Variants in UBR4 observed in about 807,000 individuals in gnomAD.
The protein encoded by UBR4 is E3 ubiquitin-protein ligase UBR4.
A neutral mutation model predicts 575.6 loss-of-function variants in UBR4; 124 were observed. That is an observed-to-expected ratio of 0.22 (90% CI 0.19 to 0.25). The LOEUF (loss-of-function observed/expected upper bound fraction) is 0.25, where lower values mean the gene tolerates loss of function less well. Among genes scored for constraint, UBR4 ranks in the 10% least tolerant of loss-of-function variants. The pLI is 1.00. For missense variants in UBR4, 4,818 were observed against 6,478.8 expected (o/e 0.74, Z 8.80); for synonymous variants, 2,455 against 2,473.7 (o/e 0.99, Z 0.22).
rs988219506 is a variant in UBR4 at position 19,139,592 on chromosome 1, T to C, written c.8594-372A>G. On this transcript the variant is annotated intron_variant, in intron 58 of 105. Transcript: ENST00000375254. The surrounding 1 kb of genome is among the most constrained non-coding windows in gnomAD (Gnocchi z 4.2). The stretch of plus-strand genomic sequence containing the variant: ...CTAAAATGCTTCATGGTCACCATTG[T>C]TTAGGTGTTACTGACACCTGCTGAG... Among the ~76,000 whole-genome samples the C allele has an allele frequency of 1.3e-5, 2 of 152,232 alleles. No homozygotes were observed. The highest frequency in any genetic ancestry group is 2.9e-5 in the Non-Finnish European group (2 of 68,046).
chr1:19,125,334 A>C (rs1056867854), intron 64 of UBR4, among the ~76,000 whole-genome samples: 3 of 152,232 alleles, frequency 2.0e-5, no homozygotes, highest in African/African-American at 7.2e-5. Context: ...CTGGAGTTGT[A>C]AACAGGAATA....
intron 26 of UBR4, 29 bp downstream of exon 26, chr1:19,170,733 A>G (rs1318591192): frequency 6.2e-7 from 1 of 1,614,000 alleles, no homozygotes; most frequent in Non-Finnish European, 8.5e-7. Context: ...TTGTAATAAT[A>G]TTACTCAAAA....
In UBR4 at chr1:19,167,176, A is replaced by G; in HGVS notation, c.3955T>C (p.Leu1319=). 2 of 1,614,218 alleles carry G rather than the reference A, an allele frequency of 1.2e-6. No homozygotes were observed. The highest frequency in any genetic ancestry group is 2.7e-5 in the African/African-American group (2 of 75,042). The change falls in exon 29 of 106, where the codon TTG becomes CTG. Residue 1319 remains leucine, a synonymous_variant. Coordinates refer to ENST00000375254, the MANE Select transcript of UBR4 (RefSeq NM_020765.3). Reference sequence around the variant, plus strand: ...GCAACACTCTCAGTGCTTGATTCCAAAAGAAGAGGTAGCAGTGTCCGAATT... The same window carrying G: ...GCAACACTCTCAGTGCTTGATTCCAGAAGAAGAGGTAGCAGTGTCCGAATT... ...QVIRTLLPLL[L]ESSTESVAEI...
In UBR4 at chr1:19,124,655, C is replaced by T; in HGVS notation, c.9474G>A (p.Gln3158=). The change falls in exon 65 of 106, where the codon CAG becomes CAA. Residue 3158 remains glutamine, a synonymous_variant. Transcript: ENST00000375254. ...GCCTCAGTACCATTTCTGTTAGAAGCTGAGTATAGGCCTCAAACACATCAG... is the reference window on the plus strand; with the variant it reads ...GCCTCAGTACCATTTCTGTTAGAAGTTGAGTATAGGCCTCAAACACATCAG... ...HAADVFEAYT[Q]LLTEMVLRLP... is the part of the protein sequence containing the mutation. The T allele has an allele frequency of 6.2e-7, 1 of 1,614,180 alleles. No individual in the cohort carries two copies. The highest frequency in any genetic ancestry group is 8.5e-7 in the Non-Finnish European group (1 of 1,180,018).
At chr1:19,158,835 T>C (rs1330267751) in intron 39 of UBR4, among the ~76,000 whole-genome samples, 1 of 152,094 alleles carries the variant, frequency 6.6e-6, no homozygotes, top group Non-Finnish European at 1.5e-5. Context: ...AACTGACTAT[T>C]ATTCCCTTAA....
chr1:19,209,933 G>C, intron 1 of UBR4, 140 bp downstream of exon 1: 1 of 1,333,118 alleles, frequency 7.5e-7, no homozygotes, highest in Non-Finnish European at 9.6e-7. Flanking sequence ...CAGTCTCCCC[G>C]GGCCCGGGAC....
At chr1:19,143,703 T>C (rs1479864635) in intron 55 of UBR4, among the ~76,000 whole-genome samples, 1 of 152,256 alleles carries the variant, frequency 6.6e-6, no homozygotes, top group African/African-American at 2.4e-5. Flanking sequence ...TTACCAACCA[T>C]GCAGGACCTT....
chr1:19,160,116 G>A lies in UBR4; in HGVS notation c.5572C>T (p.Leu1858=). 3 of 1,608,262 alleles carry A rather than the reference G, an allele frequency of 1.9e-6. No individual in the cohort carries two copies. Among genetic ancestry groups the A allele is most frequent in the Non-Finnish European group, 2.5e-6 (3 of 1,177,438 alleles). ...CATGGCCCCAAGACACTCACCATCA[G>A]CTGGTCTGTCATCTCCACTGCCTTC... is the stretch of plus-strand genomic sequence containing the variant. ...VEKAVEMTDQ[L]MVPTLGSQEG... The change falls in exon 39 of 106, where the codon CTG becomes TTG. Residue 1858 remains leucine, a synonymous_variant. Coordinates refer to ENST00000375254, the MANE Select transcript of UBR4 (RefSeq NM_020765.3).
At chr1:19,145,656 C>T (rs1408474927) in intron 53 of UBR4, 137 bp downstream of exon 53, 14 of 1,154,084 alleles carry the variant, frequency 1.2e-5, no homozygotes, top group Non-Finnish European at 1.7e-5. Context: ...ATCTCGCAGA[C>T]TTCTACTTCC....
intron 74 of UBR4, among the ~76,000 whole-genome samples, 199 bp downstream of exon 74, chr1:19,115,199 G>GCA (rs61661086): frequency 0.093 from 11,818 of 127,032 alleles, 505 homozygotes; most frequent in Admixed American, 0.13. Flanking sequence ...GTGTGCACAT[G>GCA]CACACACACA....
chr1:19,074,812 C>A lies in UBR4; in HGVS notation c.*20G>T. 1 of 1,613,718 alleles carries A rather than the reference C, an allele frequency of 6.2e-7. No homozygotes were observed. Among genetic ancestry groups the A allele is most frequent in the African/African-American group, 1.3e-5 (1 of 75,040 alleles). ...AGGCAAGCCAGCTTCGTCTTCGCCG[C>A]CGCAGCTGCTGTGTGGTGGTCAGGG... On this transcript the variant is annotated 3_prime_UTR_variant, in exon 106 of 106. Transcript: ENST00000375254.
At chr1:19,114,741 C>G in intron 75 of UBR4, 70 bp downstream of exon 75, 1 of 1,590,904 alleles carries the variant, frequency 6.3e-7, no homozygotes, top group Non-Finnish European at 8.6e-7. Context: ...AAGTGCACTG[C>G]ACTGCACCAG....
chr1:19,116,208 C>T (rs1557648504), intron 73 of UBR4, among the ~76,000 whole-genome samples: 1 of 152,188 alleles, frequency 6.6e-6, no homozygotes, highest in African/African-American at 2.4e-5. Flanking sequence ...AATCCTTAAA[C>T]CCTGGAAGTG....
chr1:19,150,392 G>A (rs2085502963), intron 49 of UBR4, among the ~76,000 whole-genome samples, 185 bp downstream of exon 49: 1 of 152,250 alleles, frequency 6.6e-6, no homozygotes, highest in African/African-American at 2.4e-5. Context: ...AGATGACTCT[G>A]AGCACATTTT....
chr1:19,121,630 C>G (rs1046555435), intron 67 of UBR4, among the ~76,000 whole-genome samples, 196 bp from the exon 68 acceptor site: 6 of 152,180 alleles, frequency 3.9e-5, no homozygotes, highest in African/African-American at 9.7e-5. Context: ...ACACACCGAC[C>G]AGAGCCCCCT....
intron 71 of UBR4, 129 bp from the exon 72 acceptor site, chr1:19,118,039 T>C: frequency 5.1e-6 from 4 of 783,036 alleles, no homozygotes. Flanking sequence ...CCCACCCTAG[T>C]GAGAACTCAA....
At chr1:19,115,199 GCACACACACACA>G in intron 74 of UBR4, among the ~76,000 whole-genome samples, 187 bp downstream of exon 74, 1 of 127,144 alleles carries the variant, frequency 7.9e-6, no homozygotes, top group South Asian at 2.4e-4. Flanking sequence ...GTGTGCACAT[GCACACACACACA>G]CACACACACA....
At chr1:19,101,338 C>T (rs1178670913) in intron 88 of UBR4, among the ~76,000 whole-genome samples, 182 bp downstream of exon 88, 4 of 152,154 alleles carry the variant, frequency 2.6e-5, no homozygotes, top group Non-Finnish European at 4.4e-5. Flanking sequence ...AATGTCCCAT[C>T]GTTAGCAAGA....
rs1458654999 is a variant in UBR4 at position 19,173,487 on chromosome 1, CAG to C, written c.3115_3116del (p.Leu1039AlafsTer27). ...EMSECDILHT[L>X]RWSSRLRISS... ...TGATCCGGAGCCGAGAAGACCATCG[CAG>C]AGTGTGCAAGATGTCACATTCGCTC... On this transcript the variant is annotated frameshift_variant, in exon 23 of 106. Coordinates refer to ENST00000375254, the MANE Select transcript of UBR4 (RefSeq NM_020765.3). LOFTEE classifies it high-confidence loss of function. The C allele has an allele frequency of 6.2e-7, 1 of 1,614,138 alleles. No individual in the cohort carries two copies.
Sources: allele counts gnomAD v4.1 joint callset (sites outside exome capture counted in the v4.1 genomes callset), GRCh38; gene constraint gnomAD v4.1.1; non-coding constraint Gnocchi (gnomAD v3.1); transcripts MANE v1.5; gene names NCBI Gene and HGNC (gene_info 2026-07-23, HGNC 2026-07-21).